ZNF578: variants seen among roughly 807,000 people sequenced by gnomAD.
The protein encoded by ZNF578 is Putative chemokine-related protein B42.
In ZNF578, 8 loss-of-function variants were observed where a neutral mutation model predicts 8.3. The ratio of observed to expected loss-of-function variants is 0.96; its 90% CI spans 0.56 to 1.74. The LOEUF is 1.74. ZNF578 is among the 40% of genes most tolerant of loss of function. The pLI, the probability that ZNF578 is intolerant of heterozygous loss-of-function variation, is 0.00. For synonymous variants in ZNF578, 206 were observed against 232.2 expected (o/e 0.89, Z 1.03); for missense variants, 726 against 707.5 (o/e 1.03, Z -0.30).
At chr19:52,502,806 A>G (rs1209777863) in intron 4 of ZNF578, among the ~76,000 whole-genome samples, 1 of 151,828 alleles carries the variant, frequency 6.6e-6, no homozygotes, top group Non-Finnish European at 1.5e-5. Flanking sequence ...GGCACAATTC[A>G]GAGTTTACAG....
chr19:52,494,519 C>T (rs1243408659), intron 3 of ZNF578, among the ~76,000 whole-genome samples: 1 of 152,124 alleles, frequency 6.6e-6, no homozygotes, highest in Non-Finnish European at 1.5e-5. Flanking sequence ...GGGTTGGGGA[C>T]TTTGGATACA....
At chr19:52,459,769 A>T (rs12984605) in intron 2 of ZNF578, among the ~76,000 whole-genome samples, 2,988 of 17,610 alleles carry the variant, frequency 0.17, 895 homozygotes, top group African/African-American at 0.48. Context: ...ATATATATAT[A>T]TTTTTTTTTT....
chr19:52,487,086 A>C (rs1171450441), intron 2 of ZNF578, among the ~76,000 whole-genome samples: 1 of 152,058 alleles, frequency 6.6e-6, no homozygotes, highest in Non-Finnish European at 1.5e-5. Context: ...TAATCTCCAC[A>C]CTTCAGGAGA....
intron 2 of ZNF578, chr19:52,457,529 A>C (rs944787839): frequency 6.6e-6 from 1 of 152,136 alleles, no homozygotes; most frequent in Non-Finnish European, 1.5e-5. Flanking sequence ...CTGGGTGGTC[A>C]TAAGTTCTGA....
In ZNF578 at chr19:52,511,747, A is replaced by C. The variant is rs772569361; in HGVS notation, c.1366A>C (p.Lys456Gln). 4 of 1,613,550 alleles carry C rather than the reference A, an allele frequency of 2.5e-6. No individual in the cohort carries two copies. The highest frequency in any genetic ancestry group is 3.4e-6 in the Non-Finnish European group (4 of 1,179,902). The change falls in exon 6 of 6, where the codon AAA becomes CAA. Residue 456 changes from lysine to glutamine, a missense_variant. Coordinates refer to ENST00000421239, the MANE Select transcript of ZNF578 (RefSeq NM_001099694.2). ...HRLHTGEKSY[K>Q]CEECDRVFSQ... is the part of the protein sequence containing the mutation. The stretch of plus-strand genomic sequence containing the variant: ...ACTTCATACTGGAGAGAAATCTTAC[A>C]AATGTGAAGAATGTGACAGAGTTTT...
chr19:52,463,617 T>C (rs113229806), intron 2 of ZNF578, among the ~76,000 whole-genome samples: 2,177 of 152,312 alleles, frequency 0.014, 48 homozygotes, highest in African/African-American at 0.05. Context: ...AGTTGAACAA[T>C]TGATAAAGCT....
chr19:52,462,819 C>A (rs549185158), intron 2 of ZNF578, among the ~76,000 whole-genome samples: 53 of 152,256 alleles, frequency 3.5e-4, no homozygotes, highest in South Asian at 1.2e-3. Context: ...TTTGTAGGTA[C>A]CCAAACTGGA....
intron 3 of ZNF578, among the ~76,000 whole-genome samples, chr19:52,494,035 G>C (rs905670118): frequency 2.6e-5 from 4 of 151,380 alleles, no homozygotes; most frequent in African/African-American, 9.7e-5. Context: ...GAGCAGAAGA[G>C]GTGGAAGAGA....
chr19:52,487,077 A>T (rs1246060301), intron 2 of ZNF578, among the ~76,000 whole-genome samples: 8 of 152,086 alleles, frequency 5.3e-5, no homozygotes, highest in Non-Finnish European at 1.0e-4. Context: ...TCAAGTCTGT[A>T]ATCTCCACAC....
chr19:52,479,692 A>G (rs570104841), intron 2 of ZNF578, among the ~76,000 whole-genome samples: 1 of 152,342 alleles, frequency 6.6e-6, no homozygotes, highest in South Asian at 2.1e-4. Flanking sequence ...GTTTGAGAGC[A>G]TATGATCTAA....
intron 3 of ZNF578, among the ~76,000 whole-genome samples, chr19:52,498,839 T>C (rs768736994): frequency 8.5e-5 from 13 of 152,074 alleles, no homozygotes; most frequent in African/African-American, 1.2e-4. Flanking sequence ...CACGCCACGA[T>C]GCCTGGCTAA....
intron 2 of ZNF578, among the ~76,000 whole-genome samples, chr19:52,481,773 C>T (rs888699503): frequency 6.6e-6 from 1 of 152,132 alleles, no homozygotes; most frequent in Admixed American, 6.6e-5. Context: ...CTCTATCTCC[C>T]AGGCTGGAGT....
At chr19:52,489,804 C>T (rs1228275483) in intron 2 of ZNF578, among the ~76,000 whole-genome samples, 5 of 151,778 alleles carry the variant, frequency 3.3e-5, no homozygotes, top group East Asian at 2.0e-4. Context: ...TACAGGCGCC[C>T]GCCACCAATC....
rs757344256 is a variant in ZNF578, at chr19:52,512,066, G to T, written c.1685G>T (p.Ser562Ile). ...SYLANHTRIH[S>I]GEKPYKCNEC... ...CTGGCAAACCATACTAGAATTCATA[G>T]CGGAGAGAAACCTTACAAGTGTAAT... Residue 562 changes from serine (S) to isoleucine (I), a missense_variant, in exon 6 of 6, where the codon AGC (serine) becomes ATC (isoleucine). Transcript: ENST00000421239. 7 of 1,612,756 alleles carry T rather than the reference G, an allele frequency of 4.3e-6. No individual in the cohort carries two copies. The South Asian group carries it at 6.6e-5, about 15-fold the overall frequency.
chr19:52,499,200 C>T (rs1021436786), intron 3 of ZNF578, among the ~76,000 whole-genome samples: 5 of 152,172 alleles, frequency 3.3e-5, no homozygotes, highest in Admixed American at 1.3e-4. Flanking sequence ...ACCCCTGAAA[C>T]GACTGACAAA....
intron 2 of ZNF578, among the ~76,000 whole-genome samples, chr19:52,465,768 C>A (rs555984216): frequency 2.0e-5 from 3 of 152,230 alleles, no homozygotes; most frequent in Non-Finnish European, 4.4e-5. Flanking sequence ...TTCAGTTTGT[C>A]CCATTTGTGT....
chr19:52,484,561 C>G (rs1300256661), intron 2 of ZNF578, among the ~76,000 whole-genome samples: 1 of 151,886 alleles, frequency 6.6e-6, no homozygotes, highest in Non-Finnish European at 1.5e-5. Flanking sequence ...GGCCTCTGAG[C>G]CCAAGCTAAG....
Position 52,494,360 on chromosome 19 carries a change from G to T in ZNF578, c.-20+2935G>T, listed in dbSNP as rs2059378236. ...AAGAAAAAAAAATTTAACGGGGCATGATAGTGTAGACCTGTAATTTCAGCT... is the reference window on the plus strand; with the variant it reads ...AAGAAAAAAAAATTTAACGGGGCATTATAGTGTAGACCTGTAATTTCAGCT... On this transcript the variant is annotated intron_variant, in intron 3 of 5. Coordinates refer to ENST00000421239, the MANE Select transcript of ZNF578 (RefSeq NM_001099694.2). Among the ~76,000 whole-genome samples the T allele has an allele frequency of 3.3e-5, 5 of 152,286 alleles. No homozygotes were observed. In the Middle Eastern group the frequency reaches 0.01, roughly 311 times the overall value.
intron 5 of ZNF578, among the ~76,000 whole-genome samples, chr19:52,510,287 G>A (rs2059439864): frequency 1.3e-5 from 2 of 151,996 alleles, no homozygotes; most frequent in South Asian, 2.1e-4. Context: ...GTGATACACT[G>A]TAGGGTCACA....
Sources: allele counts gnomAD v4.1 joint callset (sites outside exome capture counted in the v4.1 genomes callset), GRCh38; gene constraint gnomAD v4.1.1; transcripts MANE v1.5; gene names NCBI Gene and HGNC (gene_info 2026-07-23, HGNC 2026-07-21).